The following OFD1 variants were observed in gnomAD, a reference collection of about 807,000 sequenced individuals.
OFD1 encodes the protein centriole and centriolar satellite protein OFD1.
A neutral mutation model predicts 81.4 loss-of-function variants in OFD1; 12 were observed. The ratio of observed to expected loss-of-function variants is 0.15; its 90% CI spans 0.09 to 0.24. The LOEUF is 0.24. Among genes scored for constraint, OFD1 ranks in the 10% least tolerant of loss-of-function variants. The pLI is 1.00. For synonymous variants in OFD1, 256 were observed against 263.7 expected (o/e 0.97, Z 0.28); for missense variants, 685 against 733.9 (o/e 0.93, Z 0.77).
chrX:13,754,031 G>T lies in OFD1; in HGVS notation c.1129+590G>T, dbSNP rs748492540. ...GAGTCTCGCTCTGTCACCTAGGCTG[G>T]AGTGCAGTGGTGCGATCTCGGCTCA... On this transcript the variant is annotated intron_variant, in intron 11 of 22. Transcript: ENST00000340096. 3.5e-3 allele frequency among the ~76,000 whole-genome samples: 379 copies of T among 108,916 alleles called. 1 individual carries two copies. Among genetic ancestry groups the T allele is most frequent in the Non-Finnish European group, 6.1e-3 (321 of 52,253 alleles). The allele number at this position is 108,916 out of a possible 115,157, so 94.6% of individuals were successfully genotyped here.
chrX:13,753,064 C>G lies in OFD1; in HGVS notation c.1056-304C>G, dbSNP rs2047563861. The G allele has an allele frequency of 1.3e-5, 12 of 919,502 alleles. No individual in the cohort carries two copies. The South Asian group carries it at 2.9e-4, about 22-fold the overall frequency. 75.8% of individuals were successfully genotyped at this position (919,502 alleles called of 1,213,427 possible). On this transcript the variant is annotated intron_variant, in intron 10 of 22. Transcript: ENST00000340096. ...TGTAAATTTAATTTACCCCTTTGCT[C>G]TTTGTGTCAGTTGAGACCAACTGAA...
At chrX:13,730,402 A>T (rs1481177882), upstream of OFD1, among the ~76,000 whole-genome samples, 1 of 112,192 alleles carries the variant, frequency 8.9e-6, no homozygotes, top group Non-Finnish European at 1.9e-5. Flanking sequence ...GCAATCATTA[A>T]AAAGTCAGGA....
chrX:13,758,833 C>T (rs1370373415), intron 15 of OFD1, among the ~76,000 whole-genome samples: 1 of 111,151 alleles, frequency 9.0e-6, no homozygotes, highest in Non-Finnish European at 1.9e-5. Context: ...GGTGGTTTAG[C>T]AAAAAGAATA....
At chrX:13,726,718 C>T in the OFD1 span, among the ~76,000 whole-genome samples, 1 of 111,588 alleles carries the variant, frequency 9.0e-6, no homozygotes, top group Admixed American at 9.5e-5. Context: ...AAATAACCAG[C>T]GAACATCATA....
At position 13,757,767 on chromosome X, in the gene OFD1, C is replaced by T. The variant is rs1345137039; in HGVS notation, c.1519C>T (p.Leu507=). ...HEEFESCRQA[L]HKQLQDEIEH... ...GGAGTTCGAAAGCTGCAGGCAAGCT[C>T]TGCACAAACAACTGCAAGACGAAGT... Residue 507 remains leucine (L), a synonymous_variant, in exon 14 of 23, where the codon CTG becomes TTG. Coordinates refer to ENST00000340096, the MANE Select transcript of OFD1 (RefSeq NM_003611.3). 1.7e-6 allele frequency: 2 copies of T among 1,209,421 alleles called. No individual in the cohort carries two copies. Among genetic ancestry groups the T allele is most frequent in the Non-Finnish European group, 2.2e-6 (2 of 895,018 alleles).
intron 6 of OFD1, among the ~76,000 whole-genome samples, chrX:13,745,140 G>A (rs181796173): frequency 3.6e-4 from 40 of 112,128 alleles, no homozygotes; most frequent in African/African-American, 1.3e-3. Context: ...CTCTTAAATG[G>A]TAACTTGCAA....
chrX:13,735,645 T>TTATAAA (rs1415765216), intron 2 of OFD1, among the ~76,000 whole-genome samples: 1 of 112,500 alleles, frequency 8.9e-6, no homozygotes, highest in African/African-American at 3.2e-5. Flanking sequence ...TAGGCTTGTT[T>TTATAAA]TATAAATATG....
chrX:13,716,037 G>A, the OFD1 span: 1 of 1,192,364 alleles, frequency 8.4e-7, no homozygotes, highest in South Asian at 1.8e-5. Context: ...CAGTAAAGAA[G>A]TTCTTTATTC....
At chrX:13,719,835 C>G in the OFD1 span, 6 of 958,254 alleles carry the variant, frequency 6.3e-6, no homozygotes, top group Admixed American at 1.6e-4. Flanking sequence ...TCATATTATA[C>G]CATATCATTA....
chrX:13,723,298 G>T, the OFD1 span, among the ~76,000 whole-genome samples: 1 of 110,376 alleles, frequency 9.1e-6, no homozygotes, highest in Non-Finnish European at 1.9e-5. Flanking sequence ...CTCTTGAGTA[G>T]CCAGGAGTAT....
chrX:13,739,795 T>C, intron 5 of OFD1: 10 of 750,835 alleles, frequency 1.3e-5, no homozygotes, highest in Non-Finnish European at 1.6e-5. Flanking sequence ...TGCCTTAATT[T>C]TGGCCTTGAT....
chrX:13,758,295 T>G, intron 14 of OFD1, 42 bp from the exon 15 acceptor site: 6 of 927,370 alleles, frequency 6.5e-6, no homozygotes, highest in Non-Finnish European at 6.3e-6. Context: ...AAGCTGTGAT[T>G]TGTTTTACAT....
intron 12 of OFD1, among the ~76,000 whole-genome samples, chrX:13,755,553 AG>A (rs2047670300): frequency 9.0e-6 from 1 of 111,531 alleles, no homozygotes; most frequent in African/African-American, 3.3e-5. Flanking sequence ...TCCACATTAT[AG>A]GGTTGTTGAG....
chrX:13,735,469 A>G (rs1199713859), intron 2 of OFD1, 123 bp downstream of exon 2: 4 of 546,996 alleles, frequency 7.3e-6, no homozygotes, highest in Non-Finnish European at 1.3e-5. Context: ...GGTGAATTAC[A>G]TTTTTATATT....
At chrX:13,759,395 C>T (rs1202945617) in intron 15 of OFD1, among the ~76,000 whole-genome samples, 1 of 112,420 alleles carries the variant, frequency 8.9e-6, no homozygotes, top group African/African-American at 3.2e-5. Context: ...AGAACTCTTT[C>T]GCATGCATGT....
intron 3 of OFD1, among the ~76,000 whole-genome samples, chrX:13,738,351 GCAGA>G (rs1445398330): frequency 8.9e-6 from 1 of 112,702 alleles, no homozygotes; most frequent in Non-Finnish European, 1.9e-5. Flanking sequence ...TGTTCTCAGA[GCAGA>G]CATAGTGAAT....
At chrX:13,727,004 CAAA>C in the OFD1 span, among the ~76,000 whole-genome samples, 1 of 111,747 alleles carries the variant, frequency 8.9e-6, no homozygotes, top group African/African-American at 3.3e-5. Flanking sequence ...TCAAAAGAGA[CAAA>C]GAAGGCCATT....
intron 8 of OFD1, among the ~76,000 whole-genome samples, chrX:13,748,888 G>A (rs1307917566): frequency 9.0e-6 from 1 of 111,083 alleles, no homozygotes; most frequent in Non-Finnish European, 1.9e-5. Context: ...GGAAGCCAAG[G>A]CAGGCATATC....
At position 13,756,767 on chromosome X, in the gene OFD1, C is replaced by G; in HGVS notation, c.1411C>G (p.Arg471Gly). 3.4e-6 allele frequency: 4 copies of G among 1,191,290 alleles called. No homozygotes were observed. Among genetic ancestry groups the G allele is most frequent in the Non-Finnish European group, 4.6e-6 (4 of 876,872 alleles). ...AAATGAAAACCTGCGTCTCCTAAAC[C>G]GTATGTATTTTTCTTTTCTTCTGAC... is the stretch of plus-strand genomic sequence containing the variant. Reference protein sequence around the residue: ...SRNENLRLLNRLAQPAPELAV... With the variant: ...SRNENLRLLNGLAQPAPELAV... Residue 471 changes from arginine to glycine, a missense_variant and splice_region_variant, in exon 13 of 23, where the codon CGC becomes GGC. Physicochemically the swap from Arg to Gly is moderately radical, Grantham distance 125 (BLOSUM62 -2). Around this residue, in one of 3 missense-constraint regions of OFD1, gnomAD observed 414 missense variants for 447.2 expected, o/e 0.93. Coordinates refer to ENST00000340096, the MANE Select transcript of OFD1 (RefSeq NM_003611.3).
Sources: allele counts gnomAD v4.1 joint callset (sites outside exome capture counted in the v4.1 genomes callset), GRCh38; gene constraint gnomAD v4.1.1; regional missense constraint gnomAD v4.1.1; transcripts MANE v1.5; gene names NCBI Gene and HGNC (gene_info 2026-07-23, HGNC 2026-07-21).